ACOT12: variants seen among roughly 807,000 people sequenced by gnomAD.
The protein encoded by ACOT12 is acetyl-coenzyme A thioesterase.
Under a neutral mutation model 67.7 loss-of-function variants are expected in ACOT12, and 51 were observed. The ratio of observed to expected loss-of-function variants is 0.75; its 90% CI spans 0.60 to 0.95. The LOEUF is 0.95. Ranked by LOEUF, ACOT12 falls within the 40% of genes least tolerant of loss-of-function variation. The pLI, the probability that ACOT12 is intolerant of heterozygous loss-of-function variation, is 0.00. For missense variants in ACOT12, 734 were observed against 708.1 expected, an observed-to-expected ratio of 1.04 and a Z score of -0.41; for synonymous variants, 251 against 244.6, an observed-to-expected ratio of 1.03 and a Z score of -0.24.
At chr5:81,311,302 T>C in the ACOT12 span, 1 of 1,610,372 alleles carries the variant, frequency 6.2e-7, no homozygotes. Context: ...GGCCTCTACT[T>C]AGAAGGGGTG....
intron 2 of ACOT12, among the ~76,000 whole-genome samples, chr5:81,377,204 T>C (rs919245617): frequency 3.3e-5 from 5 of 152,160 alleles, no homozygotes; most frequent in African/African-American, 9.7e-5. Context: ...TCAATAAACA[T>C]AATTCATCAC....
At chr5:81,336,951 T>C (rs1038031400) in intron 11 of ACOT12, among the ~76,000 whole-genome samples, 6 of 152,196 alleles carry the variant, frequency 3.9e-5, no homozygotes, top group African/African-American at 9.6e-5. Flanking sequence ...ACCTCTCCAA[T>C]TGAACTTGGT....
chr5:81,313,929 G>A, the ACOT12 span, among the ~76,000 whole-genome samples: 1 of 152,114 alleles, frequency 6.6e-6, no homozygotes, highest in Non-Finnish European at 1.5e-5. Context: ...GTTGGAAAAG[G>A]ACAGTAATGC....
intron 12 of ACOT12, among the ~76,000 whole-genome samples, chr5:81,333,087 A>T (rs796162978): frequency 0.054 from 8,116 of 151,176 alleles, 467 homozygotes; most frequent in East Asian, 0.16. Context: ...AAGCCACAAC[A>T]AACAAACAAA....
chr5:81,384,180 A>T (rs551164970), intron 2 of ACOT12, among the ~76,000 whole-genome samples: 2 of 132,288 alleles, frequency 1.5e-5, no homozygotes, highest in African/African-American at 5.9e-5. Flanking sequence ...GCTGGAGTGT[A>T]TTGGCGTGAT....
chr5:81,355,825 T>C (rs1759694336), intron 5 of ACOT12, among the ~76,000 whole-genome samples: 3 of 152,178 alleles, frequency 2.0e-5, no homozygotes, highest in African/African-American at 7.2e-5. Flanking sequence ...AGTTCCACCT[T>C]GGATGGCTGG....
intron 12 of ACOT12, among the ~76,000 whole-genome samples, 185 bp from the exon 13 acceptor site, chr5:81,332,790 A>C (rs1204539252): frequency 6.6e-6 from 1 of 152,204 alleles, no homozygotes; most frequent in African/African-American, 2.4e-5. Flanking sequence ...GAGGGTAGGC[A>C]CAGTGGCTCA....
chr5:81,380,582 A>AAT (rs1251004244), intron 2 of ACOT12, among the ~76,000 whole-genome samples: 1 of 80,274 alleles, frequency 1.2e-5, no homozygotes, highest in Non-Finnish European at 2.4e-5. Context: ...AAAAAAAAAG[A>AAT]AAAGAAATCT....
At chr5:81,315,389 C>A in the ACOT12 span, among the ~76,000 whole-genome samples, 1 of 152,152 alleles carries the variant, frequency 6.6e-6, no homozygotes, top group African/African-American at 2.4e-5. Flanking sequence ...TATGACCATC[C>A]TTATAGGAAA....
At chr5:81,325,976 A>AT (rs1404049072), downstream of ACOT12, among the ~76,000 whole-genome samples, 115 of 151,656 alleles carry the variant, frequency 7.6e-4, 1 homozygote, top group Non-Finnish European at 1.3e-3. Flanking sequence ...TGCCTGGTTG[A>AT]TTTTTTCATT....
intron 3 of ACOT12, among the ~76,000 whole-genome samples, chr5:81,369,167 ACT>A (rs1337950844): frequency 2.6e-5 from 4 of 151,876 alleles, no homozygotes; most frequent in African/African-American, 7.3e-5. Flanking sequence ...AAAAAAAAAA[ACT>A]CACACTCATA....
At chr5:81,351,509 C>T (rs746964964) in intron 5 of ACOT12, among the ~76,000 whole-genome samples, 1 of 152,148 alleles carries the variant, frequency 6.6e-6, no homozygotes, top group Non-Finnish European at 1.5e-5. Flanking sequence ...GGGGAAAGGA[C>T]AATCTCTTCA....
chr5:81,385,684 A>G, intron 2 of ACOT12, 73 bp downstream of exon 2: 5 of 1,372,306 alleles, frequency 3.6e-6, no homozygotes, highest in Non-Finnish European at 5.2e-6. Flanking sequence ...GAATAAGCTC[A>G]GGTGCCACCA....
Position 81,344,146 on chromosome 5 carries a change from C to T in ACOT12, c.980+14G>A. 3 of 1,613,176 alleles carry T rather than the reference C, an allele frequency of 1.9e-6. No individual in the cohort carries two copies. Among genetic ancestry groups the T allele is most frequent in the Non-Finnish European group, 2.5e-6 (3 of 1,179,568 alleles). ...CGAAGACTCCATAAAATCATTACAC[C>T]TTATGTTCCTTACCTGCCTAGGCGA... On this transcript the variant is annotated intron_variant, in intron 9 of 14. Transcript: ENST00000307624.
intron 2 of ACOT12, 50 bp downstream of exon 2, chr5:81,385,707 G>A: frequency 6.4e-7 from 1 of 1,574,118 alleles, no homozygotes; most frequent in Non-Finnish European, 8.7e-7. Flanking sequence ...ACATGTCCCA[G>A]ATGAACCCAC....
chr5:81,336,000 C>T (rs1271623330), intron 11 of ACOT12, 99 bp from the exon 12 acceptor site: 1 of 1,223,404 alleles, frequency 8.2e-7, no homozygotes, highest in Non-Finnish European at 1.1e-6. Flanking sequence ...ATTGCACTAA[C>T]TAAGGCATCT....
intron 5 of ACOT12, among the ~76,000 whole-genome samples, chr5:81,358,007 C>CAAA (rs777333534): frequency 5.6e-3 from 379 of 67,418 alleles, no homozygotes; most frequent in Middle Eastern, 0.01. Context: ...CCCCATCTCA[C>CAAA]AAAAAAAAAA....
chr5:81,335,695 G>A (rs569244692), intron 12 of ACOT12, 73 bp downstream of exon 12: 2 of 1,493,624 alleles, frequency 1.3e-6, no homozygotes, highest in East Asian at 2.3e-5. Context: ...CGATGGAGAT[G>A]GACTTCAGTA....
intron 2 of ACOT12, among the ~76,000 whole-genome samples, chr5:81,376,290 A>G (rs1234526713): frequency 1.3e-5 from 2 of 152,054 alleles, no homozygotes; most frequent in Non-Finnish European, 2.9e-5. Flanking sequence ...TTTGAAACCA[A>G]TGAGAACAAA....
Sources: allele counts gnomAD v4.1 joint callset (sites outside exome capture counted in the v4.1 genomes callset), GRCh38; gene constraint gnomAD v4.1.1; transcripts MANE v1.5; gene names NCBI Gene and HGNC (gene_info 2026-07-23, HGNC 2026-07-21).